CARMIL1: variants seen among roughly 807,000 people sequenced by gnomAD.
CARMIL1 encodes F-actin-uncapping protein LRRC16A.
CARMIL1 carries 90 observed loss-of-function variants against 177.1 expected under a neutral mutation model. The observed-to-expected ratio is 0.51, with a 90% CI of 0.43 to 0.61. The LOEUF (loss-of-function observed/expected upper bound fraction) is 0.61. Among genes scored for constraint, CARMIL1 ranks in the 20% least tolerant of loss-of-function variants. The pLI, the probability that CARMIL1 is intolerant of heterozygous loss-of-function variation, is 0.00. For missense variants in CARMIL1, 1,380 were observed against 1,667.0 expected, an observed-to-expected ratio of 0.83 and a Z score of 3.00; for synonymous variants, 577 against 606.2, an observed-to-expected ratio of 0.95 and a Z score of 0.71.
At chr6:25,589,863 A>G (rs1814129337) in intron 31 of CARMIL1, among the ~76,000 whole-genome samples, 1 of 152,212 alleles carries the variant, frequency 6.6e-6, no homozygotes, top group Non-Finnish European at 1.5e-5. Flanking sequence ...AAATGGCTAT[A>G]TCATCCAGGT....
At chr6:25,335,740 C>T (rs114298193) in intron 2 of CARMIL1, among the ~76,000 whole-genome samples, 3,896 of 152,338 alleles carry the variant, frequency 0.026, 156 homozygotes, top group African/African-American at 0.083. Flanking sequence ...CACTGTGGGG[C>T]GGCAGGGTGG....
intron 8 of CARMIL1, among the ~76,000 whole-genome samples, chr6:25,451,174 T>A (rs1798876627): frequency 6.6e-6 from 1 of 151,884 alleles, no homozygotes; most frequent in African/African-American, 2.4e-5. Context: ...GGATGACTTG[T>A]GGAGGTCCAC....
At chr6:25,582,263 T>C (rs1006553972) in intron 31 of CARMIL1, among the ~76,000 whole-genome samples, 5 of 152,214 alleles carry the variant, frequency 3.3e-5, no homozygotes, top group African/African-American at 9.7e-5. Context: ...GAAAGCTCTG[T>C]CATTCCCGAC....
rs570761743 is a variant in CARMIL1, at chr6:25,561,854, T to C, written c.2742+5004T>C. 1.5e-4 allele frequency among the ~76,000 whole-genome samples: 23 copies of C among 152,300 alleles called. No homozygotes were observed. In the South Asian group the frequency reaches 3.1e-3, roughly 21 times the overall value. ...TTTCTCATAATTTTATTCTGTAATG[T>C]CTTTTTCTTACTGATATTACTTTTG... On this transcript the variant is annotated intron_variant, in intron 29 of 36. Transcript: ENST00000329474.
chr6:25,543,625 A>G (rs1043413473), intron 26 of CARMIL1, among the ~76,000 whole-genome samples: 1 of 152,156 alleles, frequency 6.6e-6, no homozygotes, highest in African/African-American at 2.4e-5. Context: ...AATTTCATTC[A>G]GGGCTTAAAT....
At chr6:25,481,202 C>T (rs886822044) in intron 11 of CARMIL1, among the ~76,000 whole-genome samples, 3 of 151,856 alleles carry the variant, frequency 2.0e-5, no homozygotes, top group Non-Finnish European at 2.9e-5. Flanking sequence ...AGAAATACTC[C>T]GATAAAAACC....
chr6:25,461,077 C>G (rs759139216), intron 8 of CARMIL1, among the ~76,000 whole-genome samples: 13 of 152,120 alleles, frequency 8.5e-5, no homozygotes, highest in Non-Finnish European at 1.6e-4. Flanking sequence ...TGCATTACAT[C>G]TCTAAATCAA....
intron 31 of CARMIL1, among the ~76,000 whole-genome samples, chr6:25,594,130 T>A (rs1039219424): frequency 2.6e-5 from 4 of 152,182 alleles, no homozygotes; most frequent in Non-Finnish European, 4.4e-5. Flanking sequence ...TTTCTCTGCC[T>A]TTAGAAACAC....
At chr6:25,516,783 A>G (rs1286317710) in intron 21 of CARMIL1, among the ~76,000 whole-genome samples, 1 of 152,254 alleles carries the variant, frequency 6.6e-6, no homozygotes, top group Non-Finnish European at 1.5e-5. Context: ...ACTCCTGTTT[A>G]TAGTAACTGA....
chr6:25,279,725 A>C lies in CARMIL1; in HGVS notation c.-71A>C, dbSNP rs986547733. On this transcript the variant is annotated 5_prime_UTR_variant, in exon 1 of 37. Coordinates refer to ENST00000329474, the MANE Select transcript of CARMIL1 (RefSeq NM_017640.6). ...ATCTGCCTCTCTAAAAAAATTGAGG[A>C]GTTCGGGGAAGGGCAGGGGGCCATA... is the stretch of plus-strand genomic sequence containing the variant. 2 of 1,442,384 alleles carry C rather than the reference A, an allele frequency of 1.4e-6. No homozygotes were observed. The highest frequency in any genetic ancestry group is 2.8e-5 in the African/African-American group (2 of 71,098). 89.3% of individuals were successfully genotyped at this position (1,442,384 alleles called of 1,614,324 possible).
chr6:25,306,845 T>C (rs1339653948), intron 2 of CARMIL1, among the ~76,000 whole-genome samples: 1 of 151,900 alleles, frequency 6.6e-6, no homozygotes, highest in African/African-American at 2.4e-5. Flanking sequence ...ATGGCAGTTC[T>C]GTGTTTAACC....
At chr6:25,499,094 G>A (rs569124833) in intron 16 of CARMIL1, among the ~76,000 whole-genome samples, 17 of 152,218 alleles carry the variant, frequency 1.1e-4, no homozygotes, top group Non-Finnish European at 2.1e-4. Flanking sequence ...AGTAGATAAA[G>A]CCAGAGAATC....
In CARMIL1 at chr6:25,618,260, GT is replaced by G. The variant is rs11371576; in HGVS notation, c.3980-1173del. Reference sequence around the variant, plus strand: ...AACATTTTAGTAGCCAGCAAGATAAGTTTTTTTTTTTTTTAGCAGAATGCAA... The same window carrying G: ...AACATTTTAGTAGCCAGCAAGATAAGTTTTTTTTTTTTTAGCAGAATGCAA... On this transcript the variant is annotated intron_variant, in intron 36 of 36. Coordinates refer to ENST00000329474, the MANE Select transcript of CARMIL1 (RefSeq NM_017640.6). Among the ~76,000 whole-genome samples the G allele has an allele frequency of 7.5e-3, 1,095 of 146,754 alleles. 7 individuals carry two copies. The highest frequency in any genetic ancestry group is 0.031 in the Middle Eastern group (9 of 288).
rs112972137 is a variant in CARMIL1 at position 25,569,923 on chromosome 6, T to A, written c.2743-11001T>A. Reference sequence around the variant, plus strand: ...AATATTAAAATGCTATTCAAGTTTTTATGACCATCAGATTAACATCTTGCT... The same window carrying A: ...AATATTAAAATGCTATTCAAGTTTTAATGACCATCAGATTAACATCTTGCT... On this transcript the variant is annotated intron_variant, in intron 29 of 36. Transcript: ENST00000329474. 3.3e-5 allele frequency among the ~76,000 whole-genome samples: 5 copies of A among 152,366 alleles called. 1 individual carries two copies. The highest frequency in any genetic ancestry group is 1.2e-4 in the African/African-American group (5 of 41,592).
chr6:25,563,357 A>G (rs1811298587), intron 29 of CARMIL1: 1 of 985,348 alleles, frequency 1.0e-6, no homozygotes, highest in Non-Finnish European at 1.2e-6. Flanking sequence ...GAGTTAAACA[A>G]TATTCAAATT....
rs1759650353 is a variant in CARMIL1 at position 25,620,484 on chromosome 6, T to C, written c.*901T>C. 6.6e-6 allele frequency: 1 copy of C among 152,252 alleles called. No individual in the cohort carries two copies. The highest frequency in any genetic ancestry group is 2.4e-5 in the African/African-American group (1 of 41,468). The allele number at this position is 152,252 out of a possible 1,614,324, so 9.4% of individuals were successfully genotyped here. On this transcript the variant is annotated 3_prime_UTR_variant, in exon 37 of 37. Transcript: ENST00000329474. ...ACTTACATTACAGGCTGGAAGTATTTTATTCATATGTATATTTATACCAAT... is the reference window on the plus strand; with the variant it reads ...ACTTACATTACAGGCTGGAAGTATTCTATTCATATGTATATTTATACCAAT...
At chr6:25,404,638 C>G (rs989837855) in intron 2 of CARMIL1, among the ~76,000 whole-genome samples, 6 of 152,002 alleles carry the variant, frequency 3.9e-5, no homozygotes, top group African/African-American at 1.4e-4. Flanking sequence ...CACCTGTAGT[C>G]CCAGCTACTG....
intron 13 of CARMIL1, among the ~76,000 whole-genome samples, chr6:25,490,738 TAAATAAATAAATAAAA>T (rs756150102): frequency 0.05 from 6,842 of 136,402 alleles, 533 homozygotes; most frequent in African/African-American, 0.18. Context: ...AATAAATAAA[TAAATAAATAAATAAAA>T]AAAAATAAAT....
In CARMIL1 at chr6:25,457,297, A is replaced by G. The variant is rs565844278; in HGVS notation, c.614+6586A>G. The stretch of plus-strand genomic sequence containing the variant: ...TGTAGTACATGTATATGATTTATAG[A>G]TTAACACATTTTTTAGAGGGGAGGA... On this transcript the variant is annotated intron_variant, in intron 8 of 36. Coordinates refer to ENST00000329474, the MANE Select transcript of CARMIL1 (RefSeq NM_017640.6). Among the ~76,000 whole-genome samples, 19 of 152,216 alleles carry G rather than the reference A, an allele frequency of 1.2e-4. 1 individual carries two copies. Among genetic ancestry groups the G allele is most frequent in the East Asian group, 1.2e-3 (6 of 5,176 alleles).
Sources: gnomAD v4.1 joint callset for allele counts (sites outside exome capture counted in the v4.1 genomes callset) on GRCh38, gnomAD v4.1.1 for gene constraint, MANE v1.5 for transcripts, NCBI Gene and HGNC (gene_info 2026-07-23, HGNC 2026-07-21) for gene names.